The following GALNT17 variants were observed in gnomAD, a reference collection of about 807,000 sequenced individuals.
The protein encoded by GALNT17 is UDP-GalNAc:polypeptide N-acetylgalactosaminyltransferase-like 3.
In GALNT17, 29 loss-of-function variants were observed where a neutral mutation model predicts 63.7. The observed-to-expected ratio is 0.46, with a 90% confidence interval of 0.34 to 0.62. The LOEUF is 0.62. Among genes scored for constraint, GALNT17 ranks in the 20% least tolerant of loss-of-function variants. GALNT17 has a pLI of 0.01. For synonymous variants in GALNT17, 305 were observed against 318.3 expected (o/e 0.96, Z 0.45); for missense variants, 603 against 799.6 (o/e 0.75, Z 2.97).
At chr7:71,711,805 A>G (rs939012334) in intron 10 of GALNT17, among the ~76,000 whole-genome samples, 11 of 125,908 alleles carry the variant, frequency 8.7e-5, no homozygotes, top group Middle Eastern at 6.7e-3. Context: ...TTCTGTCTCT[A>G]TCTTCTCTCT....
rs563922833 is a variant in GALNT17, at chr7:71,650,875, A to T, written c.1081-14536A>T. Among the ~76,000 whole-genome samples, 4 of 152,318 alleles carry T rather than the reference A, an allele frequency of 2.6e-5. 1 individual carries two copies. The highest frequency in any genetic ancestry group is 5.9e-5 in the Non-Finnish European group (4 of 68,032). ...TCTATTTTTAAGCTCTGAGGAAAGA[A>T]TAAAGGCTATGAGCCTGGCAGTGAC... On this transcript the variant is annotated intron_variant, in intron 6 of 10. Transcript: ENST00000333538.
chr7:71,624,639 A>G lies in GALNT17; in HGVS notation c.1081-40772A>G, dbSNP rs914944662. Among the ~76,000 whole-genome samples the G allele has an allele frequency of 5.9e-5, 9 of 152,308 alleles. No homozygotes were observed. The East Asian group carries it at 1.5e-3, about 26-fold the overall frequency. On this transcript the variant is annotated intron_variant, in intron 6 of 10. Transcript: ENST00000333538. ...GGATGACCCCAAAGAGCTTTTGTTT[A>G]TGGGTGTCCTATCTATCGATTTTTA...
intron 6 of GALNT17, among the ~76,000 whole-genome samples, chr7:71,583,840 C>T (rs1193696591): frequency 2.6e-5 from 4 of 151,990 alleles, no homozygotes; most frequent in Non-Finnish European, 4.4e-5. Context: ...CTAAGGTCCT[C>T]CTGGCTGGGC....
intron 4 of GALNT17, among the ~76,000 whole-genome samples, chr7:71,417,525 A>G (rs1261624154): frequency 3.3e-5 from 5 of 152,172 alleles, no homozygotes; most frequent in African/African-American, 1.2e-4. Flanking sequence ...GACCCACAGC[A>G]TCCGCAGAAT....
intron 1 of GALNT17, among the ~76,000 whole-genome samples, chr7:71,327,667 T>C (rs1225430270): frequency 6.6e-6 from 1 of 151,958 alleles, no homozygotes; most frequent in African/African-American, 2.4e-5. Context: ...TACCAAAATA[T>C]TTACAAAGAT....
chr7:71,369,271 G>A (rs2116265766), intron 2 of GALNT17, among the ~76,000 whole-genome samples: 1 of 152,272 alleles, frequency 6.6e-6, no homozygotes, highest in South Asian at 2.1e-4. Flanking sequence ...AAGATTAGTG[G>A]TCCCTGACCT....
chr7:71,469,336 T>A (rs1199719157), intron 5 of GALNT17, among the ~76,000 whole-genome samples: 1 of 152,226 alleles, frequency 6.6e-6, no homozygotes, highest in Non-Finnish European at 1.5e-5. Flanking sequence ...ATTCCTCATT[T>A]GTGAATTAAC....
At chr7:71,495,906 G>A (rs924238532) in intron 5 of GALNT17, among the ~76,000 whole-genome samples, 7 of 152,178 alleles carry the variant, frequency 4.6e-5, no homozygotes, top group African/African-American at 1.7e-4. Context: ...TGCCACCAGG[G>A]CAGATGTAAA....
chr7:71,288,215 C>CAAAAAAAAAAA (rs59555320), intron 1 of GALNT17, among the ~76,000 whole-genome samples: 2 of 83,838 alleles, frequency 2.4e-5, no homozygotes, highest in African/African-American at 1.1e-4. Flanking sequence ...GACTCCATCT[C>CAAAAAAAAAAA]AAAAAAAAAA....
chr7:71,323,345 C>T (rs998816898), intron 1 of GALNT17, among the ~76,000 whole-genome samples: 1 of 152,130 alleles, frequency 6.6e-6, no homozygotes, highest in African/African-American at 2.4e-5. Flanking sequence ...AATTTCTGCA[C>T]CAAATGGGGT....
intron 1 of GALNT17, among the ~76,000 whole-genome samples, chr7:71,252,882 G>A (rs1273419117): frequency 1.3e-5 from 2 of 152,136 alleles, no homozygotes; most frequent in Non-Finnish European, 2.9e-5. Context: ...TTACCCTAAA[G>A]CAGTTCTATT....
intron 1 of GALNT17, among the ~76,000 whole-genome samples, chr7:71,160,893 A>G (rs1289983697): frequency 6.6e-6 from 1 of 152,146 alleles, no homozygotes; most frequent in Non-Finnish European, 1.5e-5. Flanking sequence ...GCTGTGATGC[A>G]GTGGTGTGAT....
At chr7:71,538,880 G>C in intron 5 of GALNT17, among the ~76,000 whole-genome samples, 1 of 151,936 alleles carries the variant, frequency 6.6e-6, no homozygotes, top group East Asian at 1.9e-4. Flanking sequence ...GAGAGAGGGA[G>C]GGAGGGAAAG....
intron 5 of GALNT17, among the ~76,000 whole-genome samples, chr7:71,497,087 G>T (rs577771757): frequency 5.3e-5 from 8 of 152,152 alleles, no homozygotes; most frequent in African/African-American, 1.9e-4. Flanking sequence ...AGAAGAAAAT[G>T]ATCTGAAAGT....
intron 2 of GALNT17, among the ~76,000 whole-genome samples, chr7:71,373,951 C>T (rs1278679388): frequency 1.3e-5 from 2 of 152,156 alleles, no homozygotes; most frequent in Non-Finnish European, 2.9e-5. Flanking sequence ...TTTCCTTTTC[C>T]ACAGTTTTGT....
intron 1 of GALNT17, among the ~76,000 whole-genome samples, chr7:71,149,604 T>C (rs1452356144): frequency 1.3e-5 from 2 of 152,204 alleles, no homozygotes; most frequent in Non-Finnish European, 2.9e-5. Context: ...ATTCCAGGAC[T>C]CTAAATTATG....
At chr7:71,362,610 C>A (rs937693751) in intron 2 of GALNT17, among the ~76,000 whole-genome samples, 2 of 152,188 alleles carry the variant, frequency 1.3e-5, no homozygotes, top group African/African-American at 4.8e-5. Flanking sequence ...ACGCATCCCA[C>A]GTGGCTGTGT....
chr7:71,634,060 CG>C (rs1376217143), intron 6 of GALNT17, among the ~76,000 whole-genome samples: 2 of 152,310 alleles, frequency 1.3e-5, no homozygotes, highest in Non-Finnish European at 1.5e-5. Flanking sequence ...AAGAACCCCT[CG>C]GGCAGTGACA....
intron 1 of GALNT17, among the ~76,000 whole-genome samples, chr7:71,292,682 T>C: frequency 6.7e-6 from 1 of 149,666 alleles, no homozygotes; most frequent in Non-Finnish European, 1.5e-5. Flanking sequence ...TGTGTGTGTG[T>C]GTGTGTGTGT....
Sources: allele counts gnomAD v4.1 joint callset (sites outside exome capture counted in the v4.1 genomes callset), GRCh38; gene constraint gnomAD v4.1.1; transcripts MANE v1.5; gene names NCBI Gene and HGNC (gene_info 2026-07-23, HGNC 2026-07-21).